TDRD9: variants seen among roughly 807,000 people sequenced by gnomAD.
The protein encoded by TDRD9 is ATP-dependent RNA helicase TDRD9.
Under a neutral mutation model 172.6 loss-of-function variants are expected in TDRD9, and 124 were observed. That is an observed-to-expected ratio of 0.72 (90% CI 0.62 to 0.83). The LOEUF (loss-of-function observed/expected upper bound fraction) is 0.83. TDRD9 is among the 40% of genes least tolerant of loss of function. The pLI, the probability that TDRD9 is intolerant of heterozygous loss-of-function variation, is 0.00. For missense variants in TDRD9, 1,479 were observed against 1,714.1 expected (o/e 0.86, Z 2.42); for synonymous variants, 619 against 617.1 (o/e 1.00, Z -0.05).
At position 103,965,568 on chromosome 14, in the gene TDRD9, G is replaced by A. The variant is rs181415730; in HGVS notation, c.642+14G>A. The stretch of plus-strand genomic sequence containing the variant: ...GTGGGCTACCAGGTGAGACTGGGAG[G>A]GAGGGAGGGACTAAGAGAGCCAGCT... On this transcript the variant is annotated intron_variant, in intron 4 of 35. Coordinates refer to ENST00000409874, the MANE Select transcript of TDRD9 (RefSeq NM_153046.3). 6.6e-7 allele frequency: 1 copy of A among 1,519,808 alleles called. No individual in the cohort carries two copies. Among genetic ancestry groups the A allele is most frequent in the Admixed American group, 2.0e-5 (1 of 50,774 alleles). 94.1% of individuals were successfully genotyped at this position (1,519,808 alleles called of 1,614,324 possible).
chr14:104,024,672 G>T lies in TDRD9; in HGVS notation c.2710G>T (p.Val904Phe). 3.2e-6 allele frequency: 5 copies of T among 1,587,020 alleles called. No homozygotes were observed. Among genetic ancestry groups the T allele is most frequent in the Non-Finnish European group, 4.3e-6 (5 of 1,157,406 alleles). Reference protein sequence around the residue: ...TVTDLLLTIDVTEVVEVGHFW... With the variant: ...TVTDLLLTIDFTEVVEVGHFW... ...TACAGATCTCCTTCTAACTATTGAT[G>T]TCACAGAGGTAAGGATGAAGTAATT... Residue 904 changes from valine (V) to phenylalanine (F), a missense_variant, in exon 25 of 36, where the codon GTC (valine) becomes TTC (phenylalanine). By Grantham distance (50) the Val-to-Phe change is conservative. Coordinates refer to ENST00000409874, the MANE Select transcript of TDRD9 (RefSeq NM_153046.3).
At chr14:103,952,142 A>ATG in intron 1 of TDRD9, among the ~76,000 whole-genome samples, 1 of 139,552 alleles carries the variant, frequency 7.2e-6, no homozygotes, top group South Asian at 2.2e-4. Context: ...GTATATATAT[A>ATG]TATGTATATA....
rs751116102 is a variant in TDRD9 at position 104,026,728 on chromosome 14, T to C, written c.3071T>C (p.Val1024Ala). Reference protein sequence around the residue: ...CKMRPSAKSLVCGKHWSDGAS... With the variant: ...CKMRPSAKSLACGKHWSDGAS... ...ATGAGACCATCAGCAAAGTCTCTTG[T>C]TTGTGGCAAGCACTGGAGTGACGGG... is the stretch of plus-strand genomic sequence containing the variant. The change falls in exon 28 of 36, where the codon GTT (valine) becomes GCT (alanine). Residue 1024 changes from valine (V) to alanine (A), a missense_variant. Physicochemically the swap from Val to Ala is moderately conservative, Grantham distance 64. Around this residue, in one of 3 missense-constraint regions of TDRD9, gnomAD observed 1,413 missense variants for 1,649.1 expected, o/e 0.86. Coordinates refer to ENST00000409874, the MANE Select transcript of TDRD9 (RefSeq NM_153046.3). The C allele has an allele frequency of 9.3e-6, 15 of 1,614,044 alleles. No individual in the cohort carries two copies. In the Admixed American group the frequency reaches 2.5e-4, roughly 27 times the overall value.
chr14:103,955,299 G>A (rs1356167397), intron 1 of TDRD9, among the ~76,000 whole-genome samples: 2 of 152,000 alleles, frequency 1.3e-5, no homozygotes, highest in Non-Finnish European at 2.9e-5. Flanking sequence ...TTAGGAGGTT[G>A]AGGTTACAGT....
chr14:103,964,088 C>G (rs1027781797), intron 3 of TDRD9, among the ~76,000 whole-genome samples: 1 of 151,902 alleles, frequency 6.6e-6, no homozygotes, highest in East Asian at 1.9e-4. Flanking sequence ...CAAAACACAC[C>G]CCCCAAAATT....
At position 104,006,688 on chromosome 14, in the gene TDRD9, G is replaced by A. The variant is rs375856681; in HGVS notation, c.1922G>A (p.Arg641Gln). 1.7e-4 allele frequency: 274 copies of A among 1,613,646 alleles called. No individual in the cohort carries two copies. Among genetic ancestry groups the A allele is most frequent in the Admixed American group, 2.8e-4 (17 of 59,984 alleles). ...AAGAATTTTTTTGCAATGCCTTTCC[G>A]GCAGCATCTCGATGGATATAGGTAC... ...SLKNFFAMPF[R>Q]QHLDGYRNKV... Residue 641 changes from arginine to glutamine, a missense_variant, in exon 17 of 36, where the codon CGG becomes CAG. Arg to Gln is a conservative substitution (Grantham distance 43). Around this residue, in one of 3 missense-constraint regions of TDRD9, gnomAD observed 1,413 missense variants for 1,649.1 expected, o/e 0.86. Transcript: ENST00000409874.
intron 2 of TDRD9, among the ~76,000 whole-genome samples, 198 bp from the exon 3 acceptor site, chr14:103,962,881 T>C (rs546843696): frequency 8.8e-4 from 134 of 152,262 alleles, no homozygotes; most frequent in Admixed American, 7.9e-4. Context: ...CAATCCACCA[T>C]TGATGGATAC....
chr14:103,972,166 G>T (rs970537565), intron 6 of TDRD9, among the ~76,000 whole-genome samples: 10 of 151,692 alleles, frequency 6.6e-5, no homozygotes, highest in Non-Finnish European at 4.4e-5. Flanking sequence ...AATTAGCCGG[G>T]CGTGGTGGCG....
chr14:104,008,798 C>T (rs2034523483), intron 20 of TDRD9, among the ~76,000 whole-genome samples: 1 of 152,182 alleles, frequency 6.6e-6, no homozygotes, highest in African/African-American at 2.4e-5. Flanking sequence ...CCTGTAGTCC[C>T]AGCTTCTGGG....
At chr14:103,941,014 G>C (rs1330647342) in intron 1 of TDRD9, 1 of 1,535,378 alleles carries the variant, frequency 6.5e-7, no homozygotes, top group Non-Finnish European at 8.7e-7. Context: ...CCCTCTGTCA[G>C]AGCTGCTTAG....
At chr14:103,952,220 ATTTTTTT>A (rs61410445) in intron 1 of TDRD9, among the ~76,000 whole-genome samples, 9 of 32,314 alleles carry the variant, frequency 2.8e-4, no homozygotes, top group South Asian at 1.2e-3. Context: ...ATATATATAT[ATTTTTTT>A]TTTTTTTTTT....
rs186630742 is a variant in TDRD9, at chr14:104,033,382, T to G, written c.3510-578T>G. Among the ~76,000 whole-genome samples, 207 of 152,306 alleles carry G rather than the reference T, an allele frequency of 1.4e-3. 2 individuals are homozygous for G. The highest frequency in any genetic ancestry group is 2.4e-4 in the Non-Finnish European group (16 of 68,020). On this transcript the variant is annotated intron_variant, in intron 30 of 35. Coordinates refer to ENST00000409874, the MANE Select transcript of TDRD9 (RefSeq NM_153046.3). ...GTATTGTGCTTCTGAGGCTGGTCCCTGCTGTAACCCAGGGTGGGAATATGG... is the reference window on the plus strand; with the variant it reads ...GTATTGTGCTTCTGAGGCTGGTCCCGGCTGTAACCCAGGGTGGGAATATGG...
intron 21 of TDRD9, 55 bp downstream of exon 21, chr14:104,014,896 C>A: frequency 9.2e-7 from 1 of 1,082,658 alleles, no homozygotes; most frequent in Non-Finnish European, 1.4e-6. Flanking sequence ...CTTACAAGGT[C>A]TTGTGGTCGA....
At chr14:104,035,219 T>C (rs1409829699) in intron 32 of TDRD9, among the ~76,000 whole-genome samples, 163 bp downstream of exon 32, 5 of 151,972 alleles carry the variant, frequency 3.3e-5, no homozygotes, top group African/African-American at 9.7e-5. Context: ...GATTTATTTA[T>C]GCTTGGGCTG....
intron 18 of TDRD9, 102 bp downstream of exon 18, chr14:104,006,947 A>C: frequency 8.9e-7 from 1 of 1,124,530 alleles, no homozygotes; most frequent in Non-Finnish European, 1.3e-6. Context: ...TGTTTTATCT[A>C]GTGAAAGTAT....
At position 103,938,434 on chromosome 14, in the gene TDRD9, ATATATATTTTTT is replaced by A. The variant is rs1485354555; in HGVS notation, c.215+9712_215+9723del. On this transcript the variant is annotated intron_variant, in intron 1 of 35. Transcript: ENST00000409874. The stretch of plus-strand genomic sequence containing the variant: ...TGTGTGTATATATATATATATATAT[ATATATATTTTTT>A]TTTTTTTTTTGAGATGGTGTCTCGC... 1.0e-3 allele frequency among the ~76,000 whole-genome samples: 36 copies of A among 34,922 alleles called. 6 individuals are homozygous for A. Among genetic ancestry groups the A allele is most frequent in the Admixed American group, 3.2e-3 (6 of 1,896 alleles). The allele number at this position is 34,922 out of a possible 152,430, so 22.9% of individuals were successfully genotyped here. A position where few individuals can be genotyped will look rare whatever the true frequency, so the allele number is the denominator to read the frequency against.
intron 34 of TDRD9, among the ~76,000 whole-genome samples, chr14:104,046,716 G>T (rs1370905018): frequency 6.6e-6 from 1 of 151,824 alleles, no homozygotes; most frequent in Non-Finnish European, 1.5e-5. Context: ...CGTGATCTCG[G>T]CTCACTGCAA....
At chr14:103,975,981 GA>G (rs2033221237) in intron 7 of TDRD9, among the ~76,000 whole-genome samples, 2 of 152,126 alleles carry the variant, frequency 1.3e-5, no homozygotes, top group South Asian at 4.1e-4. Context: ...AAGGACACTA[GA>G]AGTTATTTCT....
chr14:103,974,098 A>G (rs1379648443), intron 6 of TDRD9, among the ~76,000 whole-genome samples: 1 of 152,164 alleles, frequency 6.6e-6, no homozygotes, highest in African/African-American at 2.4e-5. Flanking sequence ...CCTACCTCAG[A>G]GGCTGAGGTG....
Sources: gnomAD v4.1 joint callset for allele counts (sites outside exome capture counted in the v4.1 genomes callset) on GRCh38, gnomAD v4.1.1 for gene constraint, gnomAD v4.1.1 regional missense constraint, MANE v1.5 for transcripts, NCBI Gene and HGNC (gene_info 2026-07-23, HGNC 2026-07-21) for gene names.